SNX29: variants seen among roughly 807,000 people sequenced by gnomAD.
SNX29 encodes sorting nexin 29, also known as sorting nexin-29.
A neutral mutation model predicts 102.1 loss-of-function variants in SNX29; 78 were observed. The ratio of observed to expected loss-of-function variants is 0.76; its 90% confidence interval spans 0.64 to 0.92. SNX29 has a LOEUF of 0.92. Among genes scored for constraint, SNX29 ranks in the 40% least tolerant of loss-of-function variants. The pLI is 0.00. For synonymous variants in SNX29, 580 were observed against 414.5 expected (o/e 1.40, Z -4.85); for missense variants, 1,280 against 1,061.7 (o/e 1.21, Z -2.86).
chr16:12,084,100 G>T (rs2052042768), intron 11 of SNX29, among the ~76,000 whole-genome samples: 1 of 152,004 alleles, frequency 6.6e-6, no homozygotes, highest in East Asian at 1.9e-4. Context: ...CTACTGCAAG[G>T]CCCTCTGGTA....
intron 13 of SNX29, among the ~76,000 whole-genome samples, chr16:12,148,620 C>G (rs2055165176): frequency 1.3e-5 from 2 of 152,136 alleles, no homozygotes; most frequent in Admixed American, 1.3e-4. Flanking sequence ...TACATCACTT[C>G]TTAGATTCAT....
At chr16:12,374,965 A>G (rs2082820164) in intron 16 of SNX29, 1 of 152,166 alleles carries the variant, frequency 6.6e-6, no homozygotes, top group African/African-American at 2.4e-5. Context: ...ATAAGTGAAA[A>G]AAGATGAATG....
Position 12,012,950 on chromosome 16 carries a change from A to G in SNX29, c.122+9907A>G, listed in dbSNP as rs553729684. On this transcript the variant is annotated intron_variant, in intron 3 of 20. Transcript: ENST00000566228. The stretch of plus-strand genomic sequence containing the variant: ...CAATTGGGAAAAAAGAAAGAAAATG[A>G]CAAAGTCACATTTGCATTTCAGGTA... Among the ~76,000 whole-genome samples, 6 of 152,042 alleles carry G rather than the reference A, an allele frequency of 3.9e-5. No individual in the cohort carries two copies. The South Asian group carries it at 1.2e-3, about 32-fold the overall frequency.
chr16:12,458,136 G>T (rs2086618048), intron 18 of SNX29, among the ~76,000 whole-genome samples: 1 of 152,202 alleles, frequency 6.6e-6, no homozygotes, highest in South Asian at 2.1e-4. Context: ...AGCCTTAACA[G>T]CTTCACCTTG....
At chr16:12,020,399 G>T (rs987325187) in intron 3 of SNX29, among the ~76,000 whole-genome samples, 11 of 151,994 alleles carry the variant, frequency 7.2e-5, no homozygotes, top group African/African-American at 2.7e-4. Context: ...ATGAGGTTTT[G>T]CTTTGTTGCC....
chr16:12,559,609 C>A lies in SNX29; in HGVS notation c.2319-8897C>A, dbSNP rs146903889. ...GTGCCAAAAAGGTTGGGGACTGCTG[C>A]CACGTGACCTTGCACATGGCCCTGT... On this transcript the variant is annotated intron_variant, in intron 20 of 20. Transcript: ENST00000566228. Among the ~76,000 whole-genome samples, 3 of 152,180 alleles carry A rather than the reference C, an allele frequency of 2.0e-5. No individual in the cohort carries two copies. In the East Asian group the frequency reaches 5.8e-4, roughly 29 times the overall value.
At chr16:11,999,503 A>G in intron 2 of SNX29, 145 bp downstream of exon 2, 1 of 838,312 alleles carries the variant, frequency 1.2e-6, no homozygotes, top group African/African-American at 1.7e-5. Context: ...TTTTCCCAGG[A>G]AATGATAGAG....
Position 12,170,727 on chromosome 16 carries a change from G to A in SNX29, c.1596-28874G>A, listed in dbSNP as rs76660407. ...CCCAGAGAAGGGGTTCTGTGGGAGA[G>A]GAGGCTGTGTGAGTGAGTGAGTGTG... On this transcript the variant is annotated intron_variant, in intron 13 of 20. Coordinates refer to ENST00000566228, the MANE Select transcript of SNX29 (RefSeq NM_032167.5). 2.1e-3 allele frequency among the ~76,000 whole-genome samples: 312 copies of A among 151,602 alleles called. 12 individuals are homozygous for A. The East Asian group carries it at 0.049, about 24-fold the overall frequency.
At chr16:12,520,063 A>G (rs992591674) in intron 19 of SNX29, among the ~76,000 whole-genome samples, 2 of 152,218 alleles carry the variant, frequency 1.3e-5, no homozygotes, top group Non-Finnish European at 2.9e-5. Context: ...AGGCAGGAAT[A>G]TAGCCTTCCA....
intron 19 of SNX29, among the ~76,000 whole-genome samples, chr16:12,487,942 A>G (rs962699119): frequency 5.3e-5 from 8 of 152,334 alleles, no homozygotes; most frequent in African/African-American, 1.9e-4. Context: ...TTAATACAGT[A>G]AAAGCCTCTT....
At chr16:12,550,008 C>T (rs767599418) in intron 20 of SNX29, among the ~76,000 whole-genome samples, 5 of 152,202 alleles carry the variant, frequency 3.3e-5, no homozygotes, top group African/African-American at 1.2e-4. Flanking sequence ...ATTATAAGGG[C>T]AAAGTTGAGT....
At chr16:12,526,092 C>T (rs1339567319) in intron 20 of SNX29, among the ~76,000 whole-genome samples, 1 of 152,162 alleles carries the variant, frequency 6.6e-6, no homozygotes, top group Non-Finnish European at 1.5e-5. Flanking sequence ...CGTAAAAATC[C>T]ATAGAGAAGA....
intron 11 of SNX29, among the ~76,000 whole-genome samples, chr16:12,099,157 C>A (rs1191274835): frequency 6.6e-6 from 1 of 152,216 alleles, no homozygotes; most frequent in Non-Finnish European, 1.5e-5. Flanking sequence ...GTTCTGTTTT[C>A]TCTTCTGCAG....
At chr16:12,433,717 C>G (rs925502242) in intron 18 of SNX29, among the ~76,000 whole-genome samples, 1 of 150,140 alleles carries the variant, frequency 6.7e-6, no homozygotes, top group African/African-American at 2.5e-5. Flanking sequence ...CCAGGTACTT[C>G]GGAGGCTGAG....
intron 12 of SNX29, among the ~76,000 whole-genome samples, chr16:12,129,165 T>C (rs1203398847): frequency 6.6e-6 from 1 of 152,254 alleles, no homozygotes; most frequent in South Asian, 2.1e-4. Flanking sequence ...ACTAGACGTT[T>C]ATGAGATAAT....
chr16:12,375,993 A>G (rs977159510), intron 16 of SNX29: 7 of 146,484 alleles, frequency 4.8e-5, no homozygotes, highest in Admixed American at 1.4e-4. Flanking sequence ...AGATCGACCC[A>G]CTACATTCCA....
intron 13 of SNX29, among the ~76,000 whole-genome samples, chr16:12,151,968 C>G (rs1020649536): frequency 1.3e-5 from 2 of 152,186 alleles, no homozygotes; most frequent in Admixed American, 1.3e-4. Flanking sequence ...CTCCTGACCT[C>G]AGGTGATCCT....
chr16:12,442,948 C>G (rs897423723), intron 18 of SNX29: 5 of 453,726 alleles, frequency 1.1e-5, no homozygotes, highest in African/African-American at 6.0e-5. Context: ...ATTTCATATA[C>G]TTTGCCCATG....
At chr16:12,173,579 G>A (rs922693673) in intron 13 of SNX29, among the ~76,000 whole-genome samples, 1 of 152,150 alleles carries the variant, frequency 6.6e-6, no homozygotes, top group Non-Finnish European at 1.5e-5. Context: ...ATTCTGTCAT[G>A]TAGCTTCCTC....
Sources: allele counts gnomAD v4.1 joint callset (sites outside exome capture counted in the v4.1 genomes callset), GRCh38; gene constraint gnomAD v4.1.1; transcripts MANE v1.5; gene names NCBI Gene and HGNC (gene_info 2026-07-23, HGNC 2026-07-21).